The following LHCGR variants were observed in gnomAD, a reference collection of about 807,000 sequenced individuals.
LHCGR encodes lutropin-choriogonadotropic hormone receptor.
LHCGR carries 55 observed loss-of-function variants against 60.7 expected under a neutral mutation model. That is an observed-to-expected ratio of 0.91 (90% CI 0.73 to 1.13). The LOEUF is 1.13. Among genes scored for constraint, LHCGR ranks in the 50% most tolerant of loss-of-function variants. The pLI, the probability that LHCGR is intolerant of heterozygous loss-of-function variation, is 0.00. For synonymous variants in LHCGR, 337 were observed against 316.5 expected, an observed-to-expected ratio of 1.06 and a Z score of -0.69; for missense variants, 862 against 836.0, an observed-to-expected ratio of 1.03 and a Z score of -0.38.
At chr2:48,742,893 T>C (rs1669526831) in intron 1 of LHCGR, among the ~76,000 whole-genome samples, 1 of 152,028 alleles carries the variant, frequency 6.6e-6, no homozygotes, top group Non-Finnish European at 1.5e-5. Flanking sequence ...AAAAAATTAA[T>C]GAATCCAGGA....
At chr2:48,712,457 T>G (rs1173194794) in intron 7 of LHCGR, among the ~76,000 whole-genome samples, 4 of 152,154 alleles carry the variant, frequency 2.6e-5, no homozygotes, top group Admixed American at 2.6e-4. Context: ...GATTTAAGTT[T>G]GTCAGAAATC....
chr2:48,694,175 A>G (rs977700501), intron 10 of LHCGR, 49 bp downstream of exon 10: 2 of 1,072,142 alleles, frequency 1.9e-6, no homozygotes, highest in African/African-American at 1.5e-5. Context: ...AATAAGGTGC[A>G]CACAGAACAA....
In LHCGR at chr2:48,753,078, C is replaced by T. The variant is rs146837193; in HGVS notation, c.161+2433G>A. On this transcript the variant is annotated intron_variant, in intron 1 of 10. Transcript: ENST00000294954. ...GATGATACCTCCCTGGAGAGCTGTG[C>T]CTTGGTTCTCAAACTTTAGTATGCA... Among the ~76,000 whole-genome samples the T allele has an allele frequency of 3.0e-3, 450 of 149,506 alleles. 4 individuals carry two copies. The highest frequency in any genetic ancestry group is 0.011 in the African/African-American group (427 of 40,332).
chr2:48,725,667 A>G lies in LHCGR; in HGVS notation c.383+9T>C. 1 of 1,605,356 alleles carries G rather than the reference A, an allele frequency of 6.2e-7. No individual in the cohort carries two copies. The highest frequency in any genetic ancestry group is 1.7e-5 in the Admixed American group (1 of 59,986). ...CCTCCCCAATTGCTTAAAAAGGAAA[A>G]TTTCTCACAAGTATTTTAATCGGGG... is the stretch of plus-strand genomic sequence containing the variant. On this transcript the variant is annotated intron_variant, in intron 4 of 10. Transcript: ENST00000294954.
chr2:48,730,151 C>T (rs1263481452), intron 2 of LHCGR, among the ~76,000 whole-genome samples: 1 of 152,124 alleles, frequency 6.6e-6, no homozygotes, highest in African/African-American at 2.4e-5. Flanking sequence ...GAGCATTAGC[C>T]CACAGAAAGG....
chr2:48,698,567 A>T (rs769884696), intron 9 of LHCGR, 48 bp downstream of exon 9: 1 of 1,521,488 alleles, frequency 6.6e-7, no homozygotes, highest in Admixed American at 1.7e-5. Context: ...TTGAAATCTG[A>T]ATTTCTGCCA....
At chr2:48,710,732 C>A (rs552215914) in intron 7 of LHCGR, among the ~76,000 whole-genome samples, 1 of 152,324 alleles carries the variant, frequency 6.6e-6, no homozygotes, top group South Asian at 2.1e-4. Flanking sequence ...CCTTCTGCGG[C>A]TGCCCCTGTC....
At chr2:48,719,845 A>G (rs1287316444) in intron 6 of LHCGR, among the ~76,000 whole-genome samples, 1 of 152,224 alleles carries the variant, frequency 6.6e-6, no homozygotes, top group African/African-American at 2.4e-5. Flanking sequence ...CTAATTAGAG[A>G]GTTGAACTTT....
chr2:48,741,428 G>C (rs1368980665), intron 1 of LHCGR, among the ~76,000 whole-genome samples: 3 of 146,968 alleles, frequency 2.0e-5, no homozygotes, highest in Non-Finnish European at 4.5e-5. Flanking sequence ...AAAATGTTAA[G>C]GACAGCCAGA....
chr2:48,705,894 T>C (rs1667641826), intron 8 of LHCGR, among the ~76,000 whole-genome samples: 1 of 152,214 alleles, frequency 6.6e-6, no homozygotes, highest in South Asian at 2.1e-4. Flanking sequence ...CCCGTTTACA[T>C]TTAAGATTAA....
intron 1 of LHCGR, chr2:48,732,864 A>G (rs373957943): frequency 1.2e-4 from 62 of 534,426 alleles, no homozygotes; most frequent in African/African-American, 1.2e-3. Flanking sequence ...AAAGTAATCC[A>G]ACTTTGGTCT....
chr2:48,754,109 A>G (rs78186658), intron 1 of LHCGR, among the ~76,000 whole-genome samples: 5,032 of 152,226 alleles, frequency 0.033, 310 homozygotes, highest in African/African-American at 0.12. Flanking sequence ...GGATTGATTG[A>G]AACAAATTCT....
chr2:48,740,676 C>A (rs1443832273), intron 1 of LHCGR, among the ~76,000 whole-genome samples: 2 of 151,818 alleles, frequency 1.3e-5, no homozygotes, highest in East Asian at 3.9e-4. Flanking sequence ...GACATCCACA[C>A]CAAAAACCCA....
intron 1 of LHCGR, among the ~76,000 whole-genome samples, chr2:48,745,810 A>C (rs1244105609): frequency 6.6e-6 from 1 of 151,862 alleles, no homozygotes; most frequent in East Asian, 1.9e-4. Flanking sequence ...ACTAACCTGC[A>C]TGTTGTGCAC....
intron 8 of LHCGR, among the ~76,000 whole-genome samples, chr2:48,699,622 G>A (rs753428192): frequency 1.3e-4 from 20 of 152,214 alleles, no homozygotes; most frequent in Non-Finnish European, 2.6e-4. Flanking sequence ...CTTCTGTGTG[G>A]CATTAGCCAT....
chr2:48,752,166 A>G (rs1669984880), intron 1 of LHCGR, among the ~76,000 whole-genome samples: 1 of 152,218 alleles, frequency 6.6e-6, no homozygotes, highest in Admixed American at 6.5e-5. Context: ...TGTTTTTCAT[A>G]AAATATGAAA....
intron 1 of LHCGR, among the ~76,000 whole-genome samples, chr2:48,745,926 G>T (rs1669684205): frequency 6.6e-6 from 1 of 152,002 alleles, no homozygotes; most frequent in South Asian, 2.1e-4. Context: ...TATGGAAAGG[G>T]TTTTCATCAC....
At chr2:48,734,499 G>A (rs1669133191) in intron 1 of LHCGR, among the ~76,000 whole-genome samples, 1 of 152,076 alleles carries the variant, frequency 6.6e-6, no homozygotes, top group Non-Finnish European at 1.5e-5. Context: ...AGAGACAAAT[G>A]GAAAATAAAA....
At position 48,714,163 on chromosome 2, in the gene LHCGR, A is replaced by G. The variant is rs564061715; in HGVS notation, c.537-109T>C. 1.2e-3 allele frequency: 882 copies of G among 758,156 alleles called. 1 individual carries two copies. Among genetic ancestry groups the G allele is most frequent in the Middle Eastern group, 2.8e-3 (12 of 4,276 alleles). The allele number at this position is 758,156 out of a possible 1,614,324, so 47.0% of individuals were successfully genotyped here. On this transcript the variant is annotated intron_variant, in intron 6 of 10. Coordinates refer to ENST00000294954, the MANE Select transcript of LHCGR (RefSeq NM_000233.4). ...ATTACTAAGGTTATTACAGGCATTC[A>G]TAATATCTAGTTCTCCATCATCACC... is the stretch of plus-strand genomic sequence containing the variant.
Sources: gnomAD v4.1 joint callset for allele counts (sites outside exome capture counted in the v4.1 genomes callset) on GRCh38, gnomAD v4.1.1 for gene constraint, MANE v1.5 for transcripts, NCBI Gene and HGNC (gene_info 2026-07-23, HGNC 2026-07-21) for gene names.